The following SLC4A4 variants were observed in gnomAD, a reference collection of about 807,000 sequenced individuals.
SLC4A4 encodes the protein solute carrier family 4 member 4, also known as electrogenic sodium bicarbonate cotransporter 1.
A neutral mutation model predicts 111.5 loss-of-function variants in SLC4A4; 27 were observed. That is an observed-to-expected ratio of 0.24 (90% CI 0.18 to 0.33). SLC4A4 has a LOEUF of 0.33. Among genes scored for constraint, SLC4A4 ranks in the 10% least tolerant of loss-of-function variants. SLC4A4 has a pLI of 1.00. For synonymous variants in SLC4A4, 443 were observed against 463.4 expected (o/e 0.96, Z 0.57); for missense variants, 909 against 1,315.5 (o/e 0.69, Z 4.78).
intron 18 of SLC4A4, 54 bp from the exon 19 acceptor site, chr4:71,546,296 T>G: frequency 4.1e-6 from 6 of 1,448,548 alleles, no homozygotes; most frequent in Non-Finnish European, 5.8e-6. Context: ...GAAATATGAC[T>G]AGATAGCGAA....
intron 2 of SLC4A4, among the ~76,000 whole-genome samples, chr4:71,156,676 G>C (rs1744488592): frequency 6.6e-6 from 1 of 151,728 alleles, no homozygotes; most frequent in Non-Finnish European, 1.5e-5. Flanking sequence ...GATGTAACAG[G>C]GGATGAGGAA....
chr4:71,531,547 G>A (rs2149209066), intron 16 of SLC4A4, among the ~76,000 whole-genome samples: 1 of 151,946 alleles, frequency 6.6e-6, no homozygotes, highest in East Asian at 1.9e-4. Context: ...CTAGATTTTT[G>A]GTGTTTTCAG....
At chr4:71,274,393 C>T (rs1446123339) in intron 3 of SLC4A4, among the ~76,000 whole-genome samples, 1 of 151,994 alleles carries the variant, frequency 6.6e-6, no homozygotes, top group Non-Finnish European at 1.5e-5. Context: ...TGTTCAGTGG[C>T]CAACTGTATG....
At chr4:71,466,344 T>A (rs1727309101) in intron 12 of SLC4A4, 100 bp from the exon 13 acceptor site, 1 of 1,338,910 alleles carries the variant, frequency 7.5e-7, no homozygotes, top group Non-Finnish European at 1.1e-6. Flanking sequence ...GCTAAGACCC[T>A]CCTAATAGTA....
intron 3 of SLC4A4, among the ~76,000 whole-genome samples, chr4:71,276,292 T>C (rs1046263009): frequency 1.2e-4 from 19 of 152,216 alleles, no homozygotes; most frequent in African/African-American, 4.6e-4. Flanking sequence ...AAACTGACAT[T>C]GGTACGATGT....
intron 16 of SLC4A4, 107 bp from the exon 17 acceptor site, chr4:71,531,955 G>A (rs947553976): frequency 3.1e-5 from 22 of 720,018 alleles, no homozygotes; most frequent in African/African-American, 3.0e-4. Flanking sequence ...TGATGAAGCT[G>A]TTGCTATAAA....
At chr4:71,439,435 C>A (rs1484801909) in intron 7 of SLC4A4, among the ~76,000 whole-genome samples, 4 of 34,186 alleles carry the variant, frequency 1.2e-4, no homozygotes, top group African/African-American at 1.9e-4. Flanking sequence ...GACTCTGTCT[C>A]AAAAAAAAAA....
Position 71,532,543 on chromosome 4 carries a change from T to C in SLC4A4, c.2280+368T>C, listed in dbSNP as rs549532939. ...TTTTTTGAGACAGGGCCTTGCTCTG[T>C]TGCCTAGGCTGGAGTGTGGTGGTGC... On this transcript the variant is annotated intron_variant, in intron 17 of 25. Coordinates refer to ENST00000264485, the MANE Select transcript of SLC4A4 (RefSeq NM_001098484.3). Among the ~76,000 whole-genome samples the C allele has an allele frequency of 9.7e-4, 147 of 152,238 alleles. 2 individuals are homozygous for C. The highest frequency in any genetic ancestry group is 3.5e-3 in the African/African-American group (146 of 41,556).
At chr4:71,161,188 C>T (rs556692209) in intron 2 of SLC4A4, among the ~76,000 whole-genome samples, 11 of 152,218 alleles carry the variant, frequency 7.2e-5, no homozygotes, top group African/African-American at 2.6e-4. Flanking sequence ...GAGCCCTTCC[C>T]CACAAAGCAA....
chr4:71,397,425 G>A (rs1719920710), intron 6 of SLC4A4, 152 bp from the exon 7 acceptor site: 1 of 733,816 alleles, frequency 1.4e-6, no homozygotes, highest in Non-Finnish European at 2.4e-6. Context: ...CTCCAACCTG[G>A]ACTCTGGAAA....
chr4:71,402,100 G>C (rs866451363), intron 7 of SLC4A4, among the ~76,000 whole-genome samples: 10 of 152,230 alleles, frequency 6.6e-5, no homozygotes, highest in African/African-American at 1.9e-4. Context: ...TGATTCTTGT[G>C]TTTGAAGTCT....
chr4:71,370,939 G>A (rs1037098013), intron 6 of SLC4A4, among the ~76,000 whole-genome samples: 25 of 152,086 alleles, frequency 1.6e-4, no homozygotes, highest in African/African-American at 5.6e-4. Context: ...TAATGAGGGA[G>A]GATTCTTCTC....
At chr4:71,181,554 A>T (rs1403857477) in intron 2 of SLC4A4, among the ~76,000 whole-genome samples, 2 of 152,178 alleles carry the variant, frequency 1.3e-5, no homozygotes, top group African/African-American at 4.8e-5. Context: ...ATGATGTCAT[A>T]AGGAATTTGT....
intron 3 of SLC4A4, among the ~76,000 whole-genome samples, chr4:71,269,003 A>G (rs1016723822): frequency 6.6e-6 from 1 of 152,252 alleles, no homozygotes; most frequent in African/African-American, 2.4e-5. Context: ...AATGCAAATC[A>G]GAGGTTCCCA....
chr4:71,135,574 G>T (rs1743822735), intron 2 of SLC4A4, among the ~76,000 whole-genome samples: 1 of 152,100 alleles, frequency 6.6e-6, no homozygotes, highest in African/African-American at 2.4e-5. Context: ...GGGATTACAG[G>T]TGTGAGCCAC....
chr4:71,126,999 C>T (rs1159068628), intron 2 of SLC4A4, among the ~76,000 whole-genome samples: 1 of 152,200 alleles, frequency 6.6e-6, no homozygotes, highest in East Asian at 1.9e-4. Context: ...CTTAACTACA[C>T]ATGGACAGCC....
intron 1 of SLC4A4, among the ~76,000 whole-genome samples, chr4:71,196,747 T>G (rs1237734620): frequency 7.0e-6 from 1 of 142,976 alleles, no homozygotes; most frequent in Non-Finnish European, 1.5e-5. Context: ...GGCAGGAGAA[T>G]CGCTGGAACC....
At chr4:71,332,451 T>C (rs983621579) in intron 3 of SLC4A4, among the ~76,000 whole-genome samples, 1 of 149,984 alleles carries the variant, frequency 6.7e-6, no homozygotes, top group Non-Finnish European at 1.5e-5. Flanking sequence ...TTTTCTTTTT[T>C]TTTTTTTTTT....
intron 16 of SLC4A4, among the ~76,000 whole-genome samples, chr4:71,516,914 T>C (rs1259621942): frequency 1.3e-5 from 2 of 152,190 alleles, no homozygotes; most frequent in African/African-American, 4.8e-5. Flanking sequence ...TCTTTGAATA[T>C]ATCATCCCAG....
Sources: allele counts gnomAD v4.1 joint callset (sites outside exome capture counted in the v4.1 genomes callset), GRCh38; gene constraint gnomAD v4.1.1; transcripts MANE v1.5; gene names NCBI Gene and HGNC (gene_info 2026-07-23, HGNC 2026-07-21).